Variants in CNTN5 observed in about 807,000 individuals in gnomAD.
The protein encoded by CNTN5 is contactin-5.
A neutral mutation model predicts 129.1 loss-of-function variants in CNTN5; 77 were observed. The observed-to-expected ratio is 0.60, with a 90% confidence interval of 0.50 to 0.72. The LOEUF (loss-of-function observed/expected upper bound fraction) is 0.72. Among genes scored for constraint, CNTN5 ranks in the 30% least tolerant of loss-of-function variants. CNTN5 has a pLI of 0.00. For missense variants in CNTN5, 1,478 were observed against 1,328.8 expected, an observed-to-expected ratio of 1.11 and a Z score of -1.75; for synonymous variants, 509 against 465.6, an observed-to-expected ratio of 1.09 and a Z score of -1.20.
intron 21 of CNTN5, among the ~76,000 whole-genome samples, chr11:100,339,566 G>A (rs72987694): frequency 0.081 from 12,383 of 152,118 alleles, 667 homozygotes; most frequent in Non-Finnish European, 0.12. Context: ...AATAAGGAGA[G>A]AATGGGCAAA....
At chr11:100,104,402 G>A (rs542384614) in intron 13 of CNTN5, among the ~76,000 whole-genome samples, 1 of 151,972 alleles carries the variant, frequency 6.6e-6, no homozygotes, top group African/African-American at 2.4e-5. Flanking sequence ...TTTTTAAAAA[G>A]AATAGTTTTT....
intron 2 of CNTN5, among the ~76,000 whole-genome samples, chr11:99,495,566 G>A (rs1028811679): frequency 2.0e-5 from 3 of 152,094 alleles, no homozygotes; most frequent in Non-Finnish European, 4.4e-5. Context: ...CTCCAATTTT[G>A]TAAGAGAAAA....
chr11:99,529,525 C>A (rs72993138), intron 2 of CNTN5, among the ~76,000 whole-genome samples: 8,281 of 152,166 alleles, frequency 0.054, 308 homozygotes, highest in Non-Finnish European at 0.077. Flanking sequence ...GATATTTAGA[C>A]ATAAGGAATT....
At chr11:99,468,368 C>T (rs1005610526) in intron 2 of CNTN5, among the ~76,000 whole-genome samples, 2 of 152,280 alleles carry the variant, frequency 1.3e-5, no homozygotes, top group East Asian at 3.9e-4. Context: ...GTGCTACCAC[C>T]TTTCCTGTCT....
chr11:99,089,164 G>C (rs1321512833), intron 1 of CNTN5, among the ~76,000 whole-genome samples: 1 of 151,854 alleles, frequency 6.6e-6, no homozygotes. Context: ...CAGGCCTTTT[G>C]TGTCTAATCT....
chr11:99,240,957 T>C (rs1208250314), intron 1 of CNTN5, among the ~76,000 whole-genome samples: 2 of 152,308 alleles, frequency 1.3e-5, no homozygotes, highest in East Asian at 1.9e-4. Flanking sequence ...ATGTAAGATA[T>C]ACAAGTCAGA....
At chr11:100,329,931 C>A (rs1161605409) in intron 21 of CNTN5, among the ~76,000 whole-genome samples, 1 of 152,090 alleles carries the variant, frequency 6.6e-6, no homozygotes, top group African/African-American at 2.4e-5. Context: ...TTTAACACCC[C>A]CAAAAGATCA....
chr11:99,382,844 A>ATTTTTTTTTTTTTTTTTTTTTT lies in CNTN5; in HGVS notation c.-71+57360_-71+57361insTTTTTTTTTTTTTTTTTTTTTT, dbSNP rs774797660. ...CACATCTCACTAGTGTCTCTAAATAACTTTTTTTTTTTTTTTTTTTTTTTT... is the reference window on the plus strand; with the variant it reads ...CACATCTCACTAGTGTCTCTAAATAATTTTTTTTTTTTTTTTTTTTTTCTTTTTTTTTTTTTTTTTTTTTTTT... On this transcript the variant is annotated intron_variant, in intron 2 of 24. Coordinates refer to ENST00000524871, the MANE Select transcript of CNTN5 (RefSeq NM_014361.4). Among the ~76,000 whole-genome samples the ATTTTTTTTTTTTTTTTTTTTTT allele has an allele frequency of 1.6e-4, 11 of 69,380 alleles. 3 individuals are homozygous for ATTTTTTTTTTTTTTTTTTTTTT. Among genetic ancestry groups the ATTTTTTTTTTTTTTTTTTTTTT allele is most frequent in the African/African-American group, 5.7e-4 (8 of 13,988 alleles). The allele number at this position is 69,380 out of a possible 152,430, so 45.5% of individuals were successfully genotyped here.
chr11:99,877,392 A>G (rs1720523171), intron 6 of CNTN5, among the ~76,000 whole-genome samples: 4 of 152,182 alleles, frequency 2.6e-5, no homozygotes, highest in African/African-American at 9.6e-5. Context: ...CAGTATATCA[A>G]CAGTGACATA....
Position 99,515,951 on chromosome 11 carries a change from A to T in CNTN5, c.-70-40194A>T, listed in dbSNP as rs867969642. 7.2e-3 allele frequency among the ~76,000 whole-genome samples: 731 copies of T among 101,472 alleles called. 6 individuals are homozygous for T. Among genetic ancestry groups the T allele is most frequent in the African/African-American group, 0.026 (678 of 26,172 alleles). The allele number at this position is 101,472 out of a possible 152,430, so 66.6% of individuals were successfully genotyped here. A position where few individuals can be genotyped will look rare whatever the true frequency, so the allele number is the denominator to read the frequency against. On this transcript the variant is annotated intron_variant, in intron 2 of 24. Coordinates refer to ENST00000524871, the MANE Select transcript of CNTN5 (RefSeq NM_014361.4). ...AATGTTTATTTATATAATTTTATGAAAAAAAAAAAACAAAATCATATCTAT... is the reference window on the plus strand; with the variant it reads ...AATGTTTATTTATATAATTTTATGATAAAAAAAAAACAAAATCATATCTAT...
At chr11:100,354,349 T>G (rs1952479471) in intron 24 of CNTN5, among the ~76,000 whole-genome samples, 1 of 151,618 alleles carries the variant, frequency 6.6e-6, no homozygotes, top group Non-Finnish European at 1.5e-5. Flanking sequence ...TAAAACTACT[T>G]CAGACCAATC....
intron 21 of CNTN5, among the ~76,000 whole-genome samples, chr11:100,335,384 C>T (rs908888766): frequency 1.3e-5 from 2 of 152,122 alleles, no homozygotes; most frequent in African/African-American, 2.4e-5. Flanking sequence ...ATCATAGAAT[C>T]GTCACACCAG....
At chr11:100,209,581 T>G (rs1356018567) in intron 15 of CNTN5, among the ~76,000 whole-genome samples, 1 of 152,164 alleles carries the variant, frequency 6.6e-6, no homozygotes, top group African/African-American at 2.4e-5. Context: ...AAAACATAAA[T>G]GGGTTAATTG....
chr11:99,583,322 G>C (rs1949679618), intron 3 of CNTN5, among the ~76,000 whole-genome samples: 1 of 152,216 alleles, frequency 6.6e-6, no homozygotes, highest in East Asian at 1.9e-4. Context: ...CAAGCTGTGT[G>C]CTGGGAGTAC....
intron 1 of CNTN5, among the ~76,000 whole-genome samples, chr11:99,173,542 T>G (rs1361818294): frequency 1.3e-5 from 2 of 152,232 alleles, no homozygotes; most frequent in African/African-American, 4.8e-5. Flanking sequence ...GTAATGGTTA[T>G]AAGGCAGGTT....
rs1945393795 is a variant in CNTN5 at position 99,476,945 on chromosome 11, C to G, written c.-70-79200C>G. ...AGTGAGATACATATATAGATGCCAC[C>G]CTATGCTTGTGTTTACCTTTACTTA... On this transcript the variant is annotated intron_variant, in intron 2 of 24. Coordinates refer to ENST00000524871, the MANE Select transcript of CNTN5 (RefSeq NM_014361.4). Among the ~76,000 whole-genome samples the G allele has an allele frequency of 4.6e-5, 7 of 151,728 alleles. No homozygotes were observed. The South Asian group carries it at 1.4e-3, about 31-fold the overall frequency.
chr11:99,688,096 C>A (rs1953872154), intron 3 of CNTN5, among the ~76,000 whole-genome samples: 5 of 152,174 alleles, frequency 3.3e-5, no homozygotes, highest in Admixed American at 3.3e-4. Context: ...GCGATATATT[C>A]ACCCTGGTTA....
intron 3 of CNTN5, among the ~76,000 whole-genome samples, chr11:99,691,441 C>T (rs975669063): frequency 1.3e-5 from 2 of 151,906 alleles, no homozygotes; most frequent in Non-Finnish European, 2.9e-5. Context: ...GTTTCTGATG[C>T]ATTGTATCTT....
At chr11:100,017,609 A>C (rs1940898858) in intron 9 of CNTN5, among the ~76,000 whole-genome samples, 1 of 152,130 alleles carries the variant, frequency 6.6e-6, no homozygotes, top group East Asian at 1.9e-4. Flanking sequence ...TCCTCCATCT[A>C]TGTGCAGTTT....
Sources: allele counts gnomAD v4.1 joint callset (sites outside exome capture counted in the v4.1 genomes callset), GRCh38; gene constraint gnomAD v4.1.1; transcripts MANE v1.5; gene names NCBI Gene and HGNC (gene_info 2026-07-23, HGNC 2026-07-21).